The following MSH4 variants were observed in gnomAD, a reference collection of about 807,000 sequenced individuals.
The protein encoded by MSH4 is mutS homolog 4.
A neutral mutation model predicts 113.7 loss-of-function variants in MSH4; 106 were observed. The observed-to-expected ratio is 0.93, with a 90% confidence interval of 0.80 to 1.10. The LOEUF (loss-of-function observed/expected upper bound fraction) is 1.10, where lower values mean the gene tolerates loss of function less well. Among genes scored for constraint, MSH4 ranks in the 50% least tolerant of loss-of-function variants. The pLI, the probability that MSH4 is intolerant of heterozygous loss-of-function variation, is 0.00. For missense variants in MSH4, 1,061 were observed against 1,093.7 expected, an observed-to-expected ratio of 0.97 and a Z score of 0.42; for synonymous variants, 368 against 380.2, an observed-to-expected ratio of 0.97 and a Z score of 0.37.
At chr1:75,878,400 C>G in intron 11 of MSH4, 82 bp downstream of exon 11, 2 of 1,056,890 alleles carry the variant, frequency 1.9e-6, no homozygotes, top group South Asian at 1.7e-5. Flanking sequence ...CTGCTGATGA[C>G]TAGCCATACA....
At chr1:75,892,699 C>T (rs565291054) in intron 17 of MSH4, among the ~76,000 whole-genome samples, 15 of 152,196 alleles carry the variant, frequency 9.9e-5, no homozygotes, top group Non-Finnish European at 1.5e-4. Flanking sequence ...CAGCTCGGGC[C>T]CCCACCCAAG....
intron 4 of MSH4, among the ~76,000 whole-genome samples, 170 bp downstream of exon 4, chr1:75,810,977 T>C (rs540807474): frequency 1.3e-5 from 2 of 152,174 alleles, no homozygotes; most frequent in Admixed American, 6.6e-5. Flanking sequence ...GTTCGAGTGA[T>C]TCTCCTGCCT....
At chr1:75,894,102 C>T (rs1652320237) in intron 17 of MSH4, among the ~76,000 whole-genome samples, 1 of 152,118 alleles carries the variant, frequency 6.6e-6, no homozygotes, top group Non-Finnish European at 1.5e-5. Context: ...CCTTGAAGAG[C>T]TCTGTTGTCA....
intron 7 of MSH4, among the ~76,000 whole-genome samples, chr1:75,841,479 C>T (rs1356701050): frequency 6.6e-6 from 1 of 152,086 alleles, no homozygotes; most frequent in Non-Finnish European, 1.5e-5. Flanking sequence ...ATTGCAGGCA[C>T]AAGTCACTGT....
intron 7 of MSH4, among the ~76,000 whole-genome samples, chr1:75,829,141 C>T (rs996130033): frequency 5.3e-5 from 8 of 152,202 alleles, no homozygotes; most frequent in Non-Finnish European, 7.3e-5. Context: ...GATTATATCC[C>T]GCACCTGGCT....
Position 75,901,673 on chromosome 1 carries a change from C to T in MSH4, c.2619+1967C>T, listed in dbSNP as rs112683167. ...ATTTTCTTTCTTTTGGATAGATGCC[C>T]AGCAGTAGGACTGCTGGATCATATG... On this transcript the variant is annotated intron_variant, in intron 19 of 19. Coordinates refer to ENST00000263187, the MANE Select transcript of MSH4 (RefSeq NM_002440.4). Among the ~76,000 whole-genome samples, 5 of 152,018 alleles carry T rather than the reference C, an allele frequency of 3.3e-5. No individual in the cohort carries two copies. In the East Asian group the frequency reaches 5.8e-4, roughly 18 times the overall value.
rs1649831102 is a variant in MSH4 at position 75,797,096 on chromosome 1, G to C, written c.111G>C (p.Glu37Asp). The C allele has an allele frequency of 1.2e-6, 2 of 1,613,930 alleles. No individual in the cohort carries two copies. The highest frequency in any genetic ancestry group is 2.7e-5 in the African/African-American group (2 of 74,952). Residue 37 changes from glutamate to aspartate, a missense_variant, in exon 1 of 20, where the codon GAG (glutamate) becomes GAC (aspartate). Coordinates refer to ENST00000263187, the MANE Select transcript of MSH4 (RefSeq NM_002440.4). ...QGPRYNFGLQ[E>D]TPQSRPSVQV... is the part of the protein sequence containing the mutation. Reference sequence around the variant, plus strand: ...CCCGCTACAATTTCGGACTCCAGGAGACTCCACAGAGCCGCCCTTCGGTCC... The same window carrying C: ...CCCGCTACAATTTCGGACTCCAGGACACTCCACAGAGCCGCCCTTCGGTCC...
chr1:75,805,147 G>A (rs951574751), intron 2 of MSH4, among the ~76,000 whole-genome samples: 25 of 141,122 alleles, frequency 1.8e-4, no homozygotes, highest in African/African-American at 6.5e-4. Context: ...TTTTTAAGTA[G>A]AAAATAAATA....
At chr1:75,827,687 A>G (rs1197247835) in intron 7 of MSH4, among the ~76,000 whole-genome samples, 3 of 151,254 alleles carry the variant, frequency 2.0e-5, no homozygotes, top group African/African-American at 4.9e-5. Context: ...AAAGTAAAGT[A>G]AAAAGCAGAG....
intron 9 of MSH4, among the ~76,000 whole-genome samples, chr1:75,873,402 T>A (rs1054429200): frequency 6.6e-6 from 1 of 152,230 alleles, no homozygotes; most frequent in Non-Finnish European, 1.5e-5. Flanking sequence ...AAACACTTTT[T>A]AAAAATTTTT....
chr1:75,898,915 G>A, intron 18 of MSH4, among the ~76,000 whole-genome samples: 1 of 152,084 alleles, frequency 6.6e-6, no homozygotes, highest in East Asian at 1.9e-4. Flanking sequence ...CATGATCTAT[G>A]ACATGGGAAT....
At chr1:75,868,277 A>T (rs928218988) in intron 9 of MSH4, among the ~76,000 whole-genome samples, 6 of 152,278 alleles carry the variant, frequency 3.9e-5, no homozygotes, top group African/African-American at 1.4e-4. Flanking sequence ...CTTCACCATA[A>T]ATTCAGATTT....
rs1651524866 is a variant in MSH4, at chr1:75,864,660, C to A, written c.1231-2854C>A. 2.0e-5 allele frequency among the ~76,000 whole-genome samples: 3 copies of A among 152,100 alleles called. No individual in the cohort carries two copies. The South Asian group carries it at 6.2e-4, about 31-fold the overall frequency. On this transcript the variant is annotated intron_variant, in intron 8 of 19. Coordinates refer to ENST00000263187, the MANE Select transcript of MSH4 (RefSeq NM_002440.4). ...TTTTGTGAAAGTCTTGCTTGAGATT[C>A]TTACTCATTTTTCTATTTGGTTTAT...
intron 7 of MSH4, among the ~76,000 whole-genome samples, chr1:75,824,024 T>C (rs907282685): frequency 6.6e-6 from 1 of 152,208 alleles, no homozygotes; most frequent in Non-Finnish European, 1.5e-5. Flanking sequence ...ATGATATTTC[T>C]GGTTCTAGAT....
chr1:75,883,796 T>C lies in MSH4; in HGVS notation c.2082T>C (p.Ala694=). 6.2e-7 allele frequency: 1 copy of C among 1,612,768 alleles called. No individual in the cohort carries two copies. Among genetic ancestry groups the C allele is most frequent in the Non-Finnish European group, 8.5e-7 (1 of 1,179,380 alleles). The change falls in exon 15 of 20, where the codon GCT becomes GCC. Residue 694 remains alanine, a synonymous_variant. Coordinates refer to ENST00000263187, the MANE Select transcript of MSH4 (RefSeq NM_002440.4). ...AATCCACATATTTAAAACAGATTGC[T>C]CTTTGTCAGATTATGGCCCAGATTG... ...SGKSTYLKQI[A]LCQIMAQIGS... is the part of the protein sequence containing the mutation.
intron 7 of MSH4, among the ~76,000 whole-genome samples, chr1:75,826,718 AC>A (rs1650562884): frequency 6.6e-6 from 1 of 152,072 alleles, no homozygotes; most frequent in South Asian, 2.1e-4. Flanking sequence ...TTTGTTATTT[AC>A]CCAGTAGTCA....
chr1:75,827,492 A>T (rs1650579859), intron 7 of MSH4, among the ~76,000 whole-genome samples: 1 of 152,164 alleles, frequency 6.6e-6, no homozygotes, highest in Admixed American at 6.6e-5. Flanking sequence ...TAACAATATT[A>T]ACCTTAAATG....
intron 15 of MSH4, among the ~76,000 whole-genome samples, chr1:75,885,318 G>GT (rs1557523735): frequency 0.044 from 4,664 of 105,206 alleles, 118 homozygotes; most frequent in Non-Finnish European, 0.048. Context: ...TCACACTGGG[G>GT]GTGTGTGTGT....
At chr1:75,905,646 G>A (rs1652609016) in intron 19 of MSH4, among the ~76,000 whole-genome samples, 1 of 152,134 alleles carries the variant, frequency 6.6e-6, no homozygotes, top group Non-Finnish European at 1.5e-5. Context: ...AGAATGGAAT[G>A]TTGAAGACCC....
Sources: allele counts gnomAD v4.1 joint callset (sites outside exome capture counted in the v4.1 genomes callset), GRCh38; gene constraint gnomAD v4.1.1; transcripts MANE v1.5; gene names NCBI Gene and HGNC (gene_info 2026-07-23, HGNC 2026-07-21).